FAM13B: variants seen among roughly 807,000 people sequenced by gnomAD.
The protein encoded by FAM13B is family with sequence similarity 13 member B.
In FAM13B, 60 loss-of-function variants were observed where a neutral mutation model predicts 117.3. The ratio of observed to expected loss-of-function variants is 0.51; its 90% CI spans 0.42 to 0.63. The LOEUF is 0.63. Among genes scored for constraint, FAM13B ranks in the 30% least tolerant of loss-of-function variants. The pLI, the probability that FAM13B is intolerant of heterozygous loss-of-function variation, is 0.00. For synonymous variants in FAM13B, 332 were observed against 356.1 expected (o/e 0.93, Z 0.76); for missense variants, 972 against 1,091.9 (o/e 0.89, Z 1.55).
At chr5:137,957,836 T>C (rs1341851346) in intron 13 of FAM13B, among the ~76,000 whole-genome samples, 1 of 152,156 alleles carries the variant, frequency 6.6e-6, no homozygotes, top group African/African-American at 2.4e-5. Flanking sequence ...TTACCTCCTT[T>C]ATCTATACCA....
At chr5:138,040,443 A>G (rs1167117326) in intron 1 of FAM13B, among the ~76,000 whole-genome samples, 1 of 151,726 alleles carries the variant, frequency 6.6e-6, no homozygotes, top group African/African-American at 2.4e-5. Context: ...ATGGTGGTGC[A>G]TGCCTGTGAT....
Position 137,943,003 on chromosome 5 carries a change from C to T in FAM13B, c.2460G>A (p.Glu820=), listed in dbSNP as rs1408783479. 6.2e-7 allele frequency: 1 copy of T among 1,613,504 alleles called. No homozygotes were observed. The highest frequency in any genetic ancestry group is 1.7e-5 in the Admixed American group (1 of 59,834). ...CTGCAGTTTTCAACATATCACCTAA[C>T]TCAGAGGACAGATTAACACCATCTT... ...EEEDGVNLSS[E]LGDMLKTAVQ... The change falls in exon 22 of 24, where the codon GAG becomes GAA. Residue 820 remains glutamate (E), a synonymous_variant. Transcript: ENST00000689681.
rs1268306713 is a variant in FAM13B at position 138,041,842 on chromosome 5, C to T, written c.-203+10036G>A. Among the ~76,000 whole-genome samples the T allele has an allele frequency of 2.0e-5, 3 of 151,194 alleles. No individual in the cohort carries two copies. The East Asian group carries it at 5.8e-4, about 29-fold the overall frequency. On this transcript the variant is annotated intron_variant, in intron 1 of 3. Transcript: ENST00000502471. The stretch of plus-strand genomic sequence containing the variant: ...ACCTGAACCTGGTAATTCAAGCCTG[C>T]AGTAAGCACCACCGCACTCCAGCCT...
At chr5:137,981,479 A>T (rs555736149) in intron 10 of FAM13B, among the ~76,000 whole-genome samples, 1 of 152,050 alleles carries the variant, frequency 6.6e-6, no homozygotes, top group African/African-American at 2.4e-5. Context: ...TAAAATAATT[A>T]TAACACTATC....
At chr5:138,018,547 T>C (rs751792264) in intron 3 of FAM13B, 33 bp from the exon 4 acceptor site, 127 of 1,566,758 alleles carry the variant, frequency 8.1e-5, no homozygotes, top group Admixed American at 1.5e-4. Context: ...TTCAATAAGC[T>C]GCAATGTCAA....
At chr5:138,007,192 G>A (rs767171006) in intron 6 of FAM13B, 45 bp from the exon 7 acceptor site, 15 of 1,407,064 alleles carry the variant, frequency 1.1e-5, no homozygotes, top group African/African-American at 2.9e-5. Flanking sequence ...TAATGAAACC[G>A]TTAACACATC....
chr5:138,036,660 A>G (rs749935489), upstream of FAM13B: 2 of 446,746 alleles, frequency 4.5e-6, no homozygotes, highest in African/African-American at 2.0e-5. Context: ...ATAACTGAGT[A>G]TTTAATCTAC....
At chr5:137,944,359 T>C (rs1009052136) in intron 20 of FAM13B, among the ~76,000 whole-genome samples, 6 of 152,192 alleles carry the variant, frequency 3.9e-5, no homozygotes, top group African/African-American at 1.2e-4. Context: ...AGTCACATGG[T>C]TATCCACAGC....
chr5:137,983,421 G>A (rs1432484022), intron 10 of FAM13B, among the ~76,000 whole-genome samples: 3 of 152,118 alleles, frequency 2.0e-5, no homozygotes, highest in Non-Finnish European at 4.4e-5. Flanking sequence ...AAGAGTTAAA[G>A]AAAAGAGACA....
intron 10 of FAM13B, among the ~76,000 whole-genome samples, chr5:137,984,328 G>C (rs1581171860): frequency 6.6e-6 from 1 of 152,296 alleles, no homozygotes; most frequent in East Asian, 1.9e-4. Context: ...CTCTGTACGA[G>C]CAAGAGAAAG....
intron 7 of FAM13B, among the ~76,000 whole-genome samples, chr5:138,001,564 A>G (rs749880245): frequency 1.3e-5 from 2 of 152,252 alleles, no homozygotes; most frequent in Non-Finnish European, 2.9e-5. Context: ...CCTATTCTGT[A>G]GCAGGCACTA....
intron 1 of FAM13B, among the ~76,000 whole-genome samples, chr5:138,025,810 G>A (rs1788205699): frequency 1.3e-5 from 2 of 152,272 alleles, no homozygotes; most frequent in South Asian, 4.1e-4. Flanking sequence ...TAAAAACCCT[G>A]ATTAACACAA....
chr5:137,968,242 TAAA>T (rs1355721771), intron 10 of FAM13B, among the ~76,000 whole-genome samples: 1 of 142,852 alleles, frequency 7.0e-6, no homozygotes, highest in Middle Eastern at 3.4e-3. Context: ...AAAGTCAATG[TAAA>T]AGAAAGTCAC....
rs1338032211 is a variant in FAM13B at position 137,986,800 on chromosome 5, C to G, written c.1046+661G>C. 3.3e-5 allele frequency among the ~76,000 whole-genome samples: 5 copies of G among 152,116 alleles called. No individual in the cohort carries two copies. In the East Asian group the frequency reaches 9.6e-4, roughly 29 times the overall value. ...TTCAGAGAGCATGACAAACAAGGTC[C>G]CTCACAACATCCCAAGGAGAGGTGC... On this transcript the variant is annotated intron_variant, in intron 9 of 23. Coordinates refer to ENST00000689681, the MANE Select transcript of FAM13B (RefSeq NM_001385994.1).
At chr5:138,027,155 T>C (rs954273829) in intron 1 of FAM13B, among the ~76,000 whole-genome samples, 2 of 151,980 alleles carry the variant, frequency 1.3e-5, no homozygotes, top group Non-Finnish European at 1.5e-5. Flanking sequence ...AAGTGCCACA[T>C]TGAAGTAAAA....
At chr5:137,943,108 GATA>G in intron 21 of FAM13B, 22 bp downstream of exon 21, 1 of 1,612,250 alleles carries the variant, frequency 6.2e-7, no homozygotes, top group African/African-American at 1.3e-5. Flanking sequence ...GAAGGGATCA[GATA>G]ATTATTTCTT....
intron 6 of FAM13B, among the ~76,000 whole-genome samples, chr5:138,009,399 C>A (rs983642716): frequency 2.0e-5 from 3 of 152,018 alleles, no homozygotes; most frequent in African/African-American, 7.3e-5. Context: ...AAATTATCCT[C>A]TTTCCCCATC....
chr5:137,993,203 T>A (rs1055765058), intron 7 of FAM13B, among the ~76,000 whole-genome samples: 13 of 152,166 alleles, frequency 8.5e-5, no homozygotes, highest in Non-Finnish European at 5.9e-5. Context: ...AGGGAGGGGA[T>A]GAGGATTTTG....
At chr5:138,015,083 T>C (rs866795410) in intron 4 of FAM13B, among the ~76,000 whole-genome samples, 8 of 152,232 alleles carry the variant, frequency 5.3e-5, no homozygotes, top group African/African-American at 1.9e-4. Flanking sequence ...AACCCAGAAG[T>C]TGTCAACATC....
Sources: gnomAD v4.1 joint callset for allele counts (sites outside exome capture counted in the v4.1 genomes callset) on GRCh38, gnomAD v4.1.1 for gene constraint, MANE v1.5 for transcripts, NCBI Gene and HGNC (gene_info 2026-07-23, HGNC 2026-07-21) for gene names.